The following RBFOX1 variants were observed in gnomAD, a reference collection of about 807,000 sequenced individuals.
The protein encoded by RBFOX1 is RNA binding protein fox-1 homolog 1.
A neutral mutation model predicts 57.7 loss-of-function variants in RBFOX1; 8 were observed. That is an observed-to-expected ratio of 0.14 (90% CI 0.08 to 0.25). The LOEUF is 0.25. RBFOX1 is among the 10% of genes least tolerant of loss of function. The pLI is 1.00. For missense variants in RBFOX1, 611 were observed against 548.5 expected (o/e 1.11, Z -1.14); for synonymous variants, 326 against 222.4 (o/e 1.47, Z -4.15).
intron 3 of RBFOX1, among the ~76,000 whole-genome samples, chr16:6,688,872 G>T (rs2059819402): frequency 6.6e-6 from 1 of 152,140 alleles, no homozygotes; most frequent in African/African-American, 2.4e-5. Flanking sequence ...CCACTTATGA[G>T]GGAGAACATG....
At chr16:6,775,983 C>T (rs528842184) in intron 3 of RBFOX1, 1 of 152,324 alleles carries the variant, frequency 6.6e-6, no homozygotes, top group East Asian at 1.9e-4. Context: ...GATTCCAAGT[C>T]TGATCACAGC....
chr16:7,116,909 G>C (rs949439848), intron 4 of RBFOX1, among the ~76,000 whole-genome samples: 3 of 152,260 alleles, frequency 2.0e-5, no homozygotes, highest in East Asian at 1.9e-4. Flanking sequence ...GTGTGCTAGG[G>C]AGAGGAAGTT....
At chr16:6,290,376 T>C (rs568858296) in intron 1 of RBFOX1, among the ~76,000 whole-genome samples, 168 of 127,878 alleles carry the variant, frequency 1.3e-3, no homozygotes, top group Middle Eastern at 5.0e-3. Flanking sequence ...ATTGTGACCA[T>C]AGCATTTTTG....
chr16:5,925,481 A>C (rs113456404), intron 4 of RBFOX1, among the ~76,000 whole-genome samples: 2 of 152,190 alleles, frequency 1.3e-5, no homozygotes, highest in African/African-American at 4.8e-5. Context: ...AAGTAGATTA[A>C]TGGTTGAACA....
chr16:6,722,937 C>T (rs1313925183), intron 3 of RBFOX1, among the ~76,000 whole-genome samples: 1 of 152,142 alleles, frequency 6.6e-6, no homozygotes, highest in African/African-American at 2.4e-5. Flanking sequence ...CTAGGGGGCC[C>T]TCTGCTTCTA....
chr16:7,513,434 T>C (rs2075657761), intron 4 of RBFOX1, among the ~76,000 whole-genome samples: 1 of 152,178 alleles, frequency 6.6e-6, no homozygotes, highest in African/African-American at 2.4e-5. Flanking sequence ...GTCTGCAGCA[T>C]CTTTGATGAC....
chr16:6,575,625 C>T (rs141471259), intron 2 of RBFOX1, among the ~76,000 whole-genome samples: 2,654 of 152,050 alleles, frequency 0.017, 76 homozygotes, highest in African/African-American at 0.058. Context: ...TGGGAGGCCA[C>T]GGTGGGCAGA....
At chr16:6,826,748 T>C (rs1159452989) in intron 3 of RBFOX1, among the ~76,000 whole-genome samples, 1 of 152,196 alleles carries the variant, frequency 6.6e-6, no homozygotes, top group African/African-American at 2.4e-5. Flanking sequence ...TTAATAATTA[T>C]CATATTGACT....
chr16:6,030,894 C>A lies in RBFOX1; in HGVS notation c.-127+10902C>A, dbSNP rs560185546. Among the ~76,000 whole-genome samples the A allele has an allele frequency of 2.6e-5, 4 of 152,238 alleles. No individual in the cohort carries two copies. The East Asian group carries it at 7.7e-4, about 29-fold the overall frequency. On this transcript the variant is annotated intron_variant, in intron 1 of 15. Transcript: ENST00000550418. ...ACATTTTTGAGCCCATGCTCTGGGCCAGGCACTGTTAGGCACTGGGGATAC... is the reference window on the plus strand; with the variant it reads ...ACATTTTTGAGCCCATGCTCTGGGCAAGGCACTGTTAGGCACTGGGGATAC...
At chr16:5,649,652 T>C (rs371221064) in intron 3 of RBFOX1, among the ~76,000 whole-genome samples, 1 of 152,224 alleles carries the variant, frequency 6.6e-6, no homozygotes, top group African/African-American at 2.4e-5. Flanking sequence ...ATTTTTATCT[T>C]CTTTGTCTGT....
At chr16:7,344,302 G>T (rs1323955848) in intron 4 of RBFOX1, among the ~76,000 whole-genome samples, 3 of 149,786 alleles carry the variant, frequency 2.0e-5, no homozygotes, top group African/African-American at 4.9e-5. Context: ...ATCCAATATA[G>T]TCAGGGCTAA....
At chr16:6,018,790 C>G (rs2095017272), upstream of RBFOX1, among the ~76,000 whole-genome samples, 1 of 152,198 alleles carries the variant, frequency 6.6e-6, no homozygotes, top group East Asian at 2.0e-4. Context: ...GGCGCTGGTG[C>G]TCAATGAGTG....
At chr16:7,529,823 A>G (rs934486298) in intron 5 of RBFOX1, among the ~76,000 whole-genome samples, 1 of 152,002 alleles carries the variant, frequency 6.6e-6, no homozygotes, top group African/African-American at 2.4e-5. Flanking sequence ...AGCCTAGTCA[A>G]CCTAGTGAAA....
At chr16:7,223,549 C>T (rs2092886884) in intron 4 of RBFOX1, among the ~76,000 whole-genome samples, 1 of 152,074 alleles carries the variant, frequency 6.6e-6, no homozygotes. Flanking sequence ...TTTTCAGGGG[C>T]ATTTGCACAG....
At position 6,916,249 on chromosome 16, in the gene RBFOX1, A is replaced by G. The variant is rs556614356; in HGVS notation, c.-15-135808A>G. ...GACTGATCAGAAGTCAATATGGCAG[A>G]TTAGCATCCAAGATGGAGTCACTGT... On this transcript the variant is annotated intron_variant, in intron 3 of 15. Coordinates refer to ENST00000550418, the MANE Select transcript of RBFOX1 (RefSeq NM_018723.4). 3.3e-5 allele frequency among the ~76,000 whole-genome samples: 5 copies of G among 152,308 alleles called. No individual in the cohort carries two copies. In the South Asian group the frequency reaches 1.0e-3, roughly 32 times the overall value.
At chr16:6,531,235 C>G (rs1451271023) in intron 2 of RBFOX1, among the ~76,000 whole-genome samples, 1 of 152,316 alleles carries the variant, frequency 6.6e-6, no homozygotes, top group South Asian at 2.1e-4. Context: ...TCTGAGACAG[C>G]CATCAAGTTT....
At chr16:7,197,998 C>CTTTCTTTATTTTT (rs61556349) in intron 4 of RBFOX1, among the ~76,000 whole-genome samples, 2 of 55,592 alleles carry the variant, frequency 3.6e-5, no homozygotes, top group African/African-American at 1.5e-4. Flanking sequence ...TTCTTTCTTT[C>CTTTCTTTATTTTT]TTTTTTTTTT....
intron 4 of RBFOX1, among the ~76,000 whole-genome samples, chr16:7,310,086 A>G (rs1339344218): frequency 1.3e-5 from 2 of 152,200 alleles, no homozygotes; most frequent in Non-Finnish European, 2.9e-5. Context: ...GCTGTGTCAG[A>G]TAGGGTCAGC....
In RBFOX1 at chr16:6,917,354, G is replaced by C. The variant is rs529548033; in HGVS notation, c.-15-134703G>C. Reference sequence around the variant, plus strand: ...CCCATCTGGTGAAATCAGTATATGGGATTGCACATGAAATGAAGAGTTTCT... The same window carrying C: ...CCCATCTGGTGAAATCAGTATATGGCATTGCACATGAAATGAAGAGTTTCT... On this transcript the variant is annotated intron_variant, in intron 3 of 15. Coordinates refer to ENST00000550418, the MANE Select transcript of RBFOX1 (RefSeq NM_018723.4). Among the ~76,000 whole-genome samples the C allele has an allele frequency of 2.0e-5, 3 of 152,314 alleles. No homozygotes were observed. In the East Asian group the frequency reaches 5.8e-4, roughly 29 times the overall value.
Sources: gnomAD v4.1 joint callset for allele counts (sites outside exome capture counted in the v4.1 genomes callset) on GRCh38, gnomAD v4.1.1 for gene constraint, MANE v1.5 for transcripts, NCBI Gene and HGNC (gene_info 2026-07-23, HGNC 2026-07-21) for gene names.